The following RGMA variants were observed in gnomAD, a reference collection of about 807,000 sequenced individuals.
RGMA encodes repulsive guidance molecule A.
Under a neutral mutation model 23.2 loss-of-function variants are expected in RGMA, and 10 were observed. The ratio of observed to expected loss-of-function variants is 0.43; its 90% CI spans 0.27 to 0.73. RGMA has a LOEUF of 0.73. Among genes scored for constraint, RGMA ranks in the 30% least tolerant of loss-of-function variants. The pLI, the probability that RGMA is intolerant of heterozygous loss-of-function variation, is 0.20. For missense variants in RGMA, 547 were observed against 630.5 expected, an observed-to-expected ratio of 0.87 and a Z score of 1.42; for synonymous variants, 308 against 279.3, an observed-to-expected ratio of 1.10 and a Z score of -1.03.
chr15:93,056,482 AAG>A (rs2055016692), intron 2 of RGMA, among the ~76,000 whole-genome samples: 1 of 152,158 alleles, frequency 6.6e-6, no homozygotes, highest in Non-Finnish European at 1.5e-5. Flanking sequence ...CACCCACTCT[AAG>A]AACAAGACCA....
rs868516246 is a variant in RGMA, at chr15:93,051,977, G to A, written c.645+16C>T. On this transcript the variant is annotated intron_variant, in intron 3 of 3. Coordinates refer to ENST00000329082, the MANE Select transcript of RGMA (RefSeq NM_020211.3). ...AAGGGCAGGGCTGTGCCCTACAGCC[G>A]CCCCCTCCCCCTTACCTTGCTGGTG... 23 of 1,577,088 alleles carry A rather than the reference G, an allele frequency of 1.5e-5. 1 individual carries two copies. The highest frequency in any genetic ancestry group is 1.4e-4 in the South Asian group (12 of 87,392).
Position 93,043,544 on chromosome 15 carries a change from C to T in RGMA, c.*1454G>A, listed in dbSNP as rs1056782092. 2 of 152,522 alleles carry T rather than the reference C, an allele frequency of 1.3e-5. No homozygotes were observed. The highest frequency in any genetic ancestry group is 4.8e-5 in the African/African-American group (2 of 41,444). The allele number at this position is 152,522 out of a possible 1,614,324, so 9.4% of individuals were successfully genotyped here. A position where few individuals can be genotyped will look rare whatever the true frequency, so the allele number is the denominator to read the frequency against. Reference sequence around the variant, plus strand: ...GAGGGGTCCCCACTTCCAAGCAGAACGTGAGCAAACACAACCAAAATAAAG... The same window carrying T: ...GAGGGGTCCCCACTTCCAAGCAGAATGTGAGCAAACACAACCAAAATAAAG... On this transcript the variant is annotated 3_prime_UTR_variant, in exon 4 of 4. Coordinates refer to ENST00000329082, the MANE Select transcript of RGMA (RefSeq NM_020211.3).
chr15:93,065,574 T>C, intron 2 of RGMA: 1 of 746,642 alleles, frequency 1.3e-6, no homozygotes, highest in South Asian at 1.3e-5. Flanking sequence ...GGGTGTCCTT[T>C]GAGTTGGAAT....
At position 93,044,826 on chromosome 15, in the gene RGMA, C is replaced by T. The variant is rs936611136; in HGVS notation, c.*172G>A. ...GGCACCAGTCACCACAACCTTGTCA[C>T]GTGCACTAGAAGGGGAGGGGTCCGT... On this transcript the variant is annotated 3_prime_UTR_variant, in exon 4 of 4. Coordinates refer to ENST00000329082, the MANE Select transcript of RGMA (RefSeq NM_020211.3). 46 of 612,546 alleles carry T rather than the reference C, an allele frequency of 7.5e-5. No individual in the cohort carries two copies. In the Admixed American group the frequency reaches 7.7e-4, roughly 10 times the overall value. The allele number at this position is 612,546 out of a possible 1,614,324, so 37.9% of individuals were successfully genotyped here.
intron 1 of RGMA, among the ~76,000 whole-genome samples, chr15:93,074,348 G>A (rs561002695): frequency 2.6e-5 from 4 of 152,286 alleles, no homozygotes; most frequent in East Asian, 1.9e-4. Context: ...TTGGGGTTCC[G>A]GCTGCCAGGT....
intron 2 of RGMA, chr15:93,065,512 G>C (rs1003552575): frequency 6.7e-6 from 4 of 597,948 alleles, no homozygotes; most frequent in South Asian, 3.1e-5. Flanking sequence ...ACAGGGTACT[G>C]GGTAGGGTAC....
At chr15:93,088,278 T>A in intron 1 of RGMA, 1 of 985,222 alleles carries the variant, frequency 1.0e-6, no homozygotes. Context: ...CCCGGGCTTG[T>A]ACCCTGGGTT....
chr15:93,074,846 T>C (rs997211502), intron 1 of RGMA, among the ~76,000 whole-genome samples: 4 of 152,218 alleles, frequency 2.6e-5, no homozygotes, highest in African/African-American at 9.7e-5. Context: ...CCAAGTGGCC[T>C]TTCCACTAAT....
intron 2 of RGMA, among the ~76,000 whole-genome samples, chr15:93,056,321 A>G (rs11858807): frequency 0.41 from 62,738 of 152,024 alleles, 13,235 homozygotes; most frequent in East Asian, 0.64. Flanking sequence ...AAGGAGTGGC[A>G]AGAGGCAGAC....
In RGMA at chr15:93,088,952, G is replaced by C. The variant is rs552427029; in HGVS notation, c.-20C>G. ...CTGCATGAGCCCCTGCGGCCCGCGG[G>C]GGGTGGCGCTGGCGGGGCTGCGGGA... On this transcript the variant is annotated 5_prime_UTR_variant, in exon 1 of 4. Transcript: ENST00000329082. 1,534 of 1,395,006 alleles carry C rather than the reference G, an allele frequency of 1.1e-3. 27 individuals carry two copies. The South Asian group carries it at 0.022, about 20-fold the overall frequency. The allele number at this position is 1,395,006 out of a possible 1,614,324, so 86.4% of individuals were successfully genotyped here.
At position 93,065,825 on chromosome 15, in the gene RGMA, C is replaced by T. The variant is rs1895126030; in HGVS notation, c.130+7091G>A. 11 of 797,572 alleles carry T rather than the reference C, an allele frequency of 1.4e-5. No individual in the cohort carries two copies. The East Asian group carries it at 1.7e-4, about 12-fold the overall frequency. The allele number at this position is 797,572 out of a possible 1,614,324, so 49.4% of individuals were successfully genotyped here. A position where few individuals can be genotyped will look rare whatever the true frequency, so the allele number is the denominator to read the frequency against. On this transcript the variant is annotated intron_variant, in intron 2 of 3. Coordinates refer to ENST00000329082, the MANE Select transcript of RGMA (RefSeq NM_020211.3). ...GGGCCAGAATTGAGGTAGGGGAACCCGCTCACCTCCCTGCTGTTGCTGCCC... is the reference window on the plus strand; with the variant it reads ...GGGCCAGAATTGAGGTAGGGGAACCTGCTCACCTCCCTGCTGTTGCTGCCC...
In RGMA at chr15:93,072,960, C is replaced by A; in HGVS notation, c.86G>T (p.Gly29Val). The change falls in exon 2 of 4, where the codon GGA becomes GTA. Residue 29 changes from glycine (G) to valine (V), a missense_variant. Around this residue, in one of 3 missense-constraint regions of RGMA, gnomAD observed 214 missense variants for 234.7 expected, o/e 0.91. Coordinates refer to ENST00000329082, the MANE Select transcript of RGMA (RefSeq NM_020211.3). ...MGRGAGRSALGFWPTLAFLLC... is the reference protein window; with the variant it reads ...MGRGAGRSALVFWPTLAFLLC... ...AAGGAAGGCGAGGGTCGGCCAGAAT[C>A]CCAGGGCTGAACGTCCTGCCCCTCT... The A allele has an allele frequency of 6.2e-7, 1 of 1,611,732 alleles. No homozygotes were observed. Among genetic ancestry groups the A allele is most frequent in the East Asian group, 2.2e-5 (1 of 44,804 alleles).
chr15:93,055,199 G>A lies in RGMA; in HGVS notation c.131-2692C>T, dbSNP rs556318612. ...TGGTCTCCTGTTAATGGATGGCCAC[G>A]CTCAAGCTCCGGTTCACCTGTGGCA... is the stretch of plus-strand genomic sequence containing the variant. On this transcript the variant is annotated intron_variant, in intron 2 of 3. Coordinates refer to ENST00000329082, the MANE Select transcript of RGMA (RefSeq NM_020211.3). Among the ~76,000 whole-genome samples the A allele has an allele frequency of 4.6e-5, 7 of 152,220 alleles. No homozygotes were observed. The South Asian group carries it at 6.2e-4, about 14-fold the overall frequency.
rs954994352 is a variant in RGMA at position 93,088,987 on chromosome 15, G to T, written c.-55C>A. 2.3e-5 allele frequency: 29 copies of T among 1,247,306 alleles called. 2 individuals carry two copies. The South Asian group carries it at 4.9e-4, about 21-fold the overall frequency. The allele number at this position is 1,247,306 out of a possible 1,614,324, so 77.3% of individuals were successfully genotyped here. A position where few individuals can be genotyped will look rare whatever the true frequency, so the allele number is the denominator to read the frequency against. On this transcript the variant is annotated 5_prime_UTR_variant, in exon 1 of 4. Coordinates refer to ENST00000329082, the MANE Select transcript of RGMA (RefSeq NM_020211.3). ...TGGCGGGGCTGCGGGAGAAGAGGGG[G>T]TGTCGGGGCGCCGCTCGTCTGCCCC...
chr15:93,065,515 T>G, intron 2 of RGMA: 1 of 601,954 alleles, frequency 1.7e-6, no homozygotes, highest in Non-Finnish European at 3.2e-6. Context: ...GGGTACTGGG[T>G]AGGGTACAGG....
rs1412872565 is a variant in RGMA at position 93,040,236 on chromosome 15, T to C, written c.*4762A>G. The C allele has an allele frequency of 6.6e-6, 1 of 152,122 alleles. No individual in the cohort carries two copies. The highest frequency in any genetic ancestry group is 2.4e-5 in the African/African-American group (1 of 41,378). The allele number at this position is 152,122 out of a possible 1,614,324, so 9.4% of individuals were successfully genotyped here. On this transcript the variant is annotated 3_prime_UTR_variant, in exon 4 of 4. Transcript: ENST00000329082. ...AAAAAGAACAATAAAAAGACCCAAG[T>C]CGGACACATCATTCCTACACTCAAA...
At chr15:93,082,412 A>T (rs1345502503) in intron 1 of RGMA, among the ~76,000 whole-genome samples, 1 of 152,220 alleles carries the variant, frequency 6.6e-6, no homozygotes, top group African/African-American at 2.4e-5. Context: ...GGGCACAGCC[A>T]TTTCCATTTC....
At chr15:93,055,978 C>T (rs1291981213) in intron 2 of RGMA, among the ~76,000 whole-genome samples, 1 of 152,198 alleles carries the variant, frequency 6.6e-6, no homozygotes, top group Non-Finnish European at 1.5e-5. Flanking sequence ...CCAGGTACCC[C>T]GGAGAGGGGT....
chr15:93,057,876 G>T (rs565240846), intron 2 of RGMA, among the ~76,000 whole-genome samples: 2 of 152,158 alleles, frequency 1.3e-5, no homozygotes, highest in Non-Finnish European at 2.9e-5. Context: ...TCGAGCTCTC[G>T]TATCTCTGCT....
Sources: allele counts gnomAD v4.1 joint callset (sites outside exome capture counted in the v4.1 genomes callset), GRCh38; gene constraint gnomAD v4.1.1; regional missense constraint gnomAD v4.1.1; transcripts MANE v1.5; gene names NCBI Gene and HGNC (gene_info 2026-07-23, HGNC 2026-07-21).